Variants in GFRA3 observed in about 807,000 individuals in gnomAD.
GFRA3 encodes GDNF family receptor alpha 3, also known as GDNF family receptor alpha-3.
A neutral mutation model predicts 40.0 loss-of-function variants in GFRA3; 24 were observed. The ratio of observed to expected loss-of-function variants is 0.60; its 90% CI spans 0.43 to 0.84. The LOEUF (loss-of-function observed/expected upper bound fraction) is 0.84, where lower values mean the gene tolerates loss of function less well. GFRA3 is among the 40% of genes least tolerant of loss of function. The pLI, the probability that GFRA3 is intolerant of heterozygous loss-of-function variation, is 0.00. For synonymous variants in GFRA3, 203 were observed against 213.5 expected (o/e 0.95, Z 0.43); for missense variants, 405 against 530.6 (o/e 0.76, Z 2.33).
In GFRA3 at chr5:138,257,790, C is replaced by G; in HGVS notation, c.634G>C (p.Ala212Pro). ...CATGGGCACAGTAGCAGGCCCTGCGCGTGGGGCTCGGCGGCCTTCTCGAAG... is the reference window on the plus strand; with the variant it reads ...CATGGGCACAGTAGCAGGCCCTGCGGGTGGGGCTCGGCGGCCTTCTCGAAG... ...TFFEKAAEPHAQGLLLCPCAP... is the reference protein window; with the variant it reads ...TFFEKAAEPHPQGLLLCPCAP... Residue 212 changes from alanine to proline, a missense_variant, in exon 4 of 8, where the codon GCG (alanine) becomes CCG (proline). Transcript: ENST00000274721. 6.2e-7 allele frequency: 1 copy of G among 1,612,808 alleles called. No homozygotes were observed. Among genetic ancestry groups the G allele is most frequent in the South Asian group, 1.1e-5 (1 of 91,000 alleles).
At chr5:138,257,598 G>A (rs1442597636) in intron 4 of GFRA3, 41 bp downstream of exon 4, 1 of 1,543,088 alleles carries the variant, frequency 6.5e-7, no homozygotes, top group Non-Finnish European at 8.8e-7. Context: ...GGAGTGGCGT[G>A]TGCCTCATCC....
chr5:138,253,621 C>T (rs1755583107), intron 6 of GFRA3, 145 bp downstream of exon 6: 3 of 780,528 alleles, frequency 3.8e-6, no homozygotes, highest in Admixed American at 5.0e-5. Context: ...AAGGCCTGGG[C>T]TATGGCAATG....
intron 1 of GFRA3, among the ~76,000 whole-genome samples, chr5:138,270,538 C>T (rs1419295524): frequency 6.7e-6 from 1 of 149,832 alleles, no homozygotes; most frequent in African/African-American, 2.5e-5. Flanking sequence ...AAGAATGATA[C>T]AATGGACTTG....
chr5:138,265,665 C>T (rs556455800), intron 1 of GFRA3, among the ~76,000 whole-genome samples: 2 of 151,966 alleles, frequency 1.3e-5, no homozygotes, highest in South Asian at 4.2e-4. Flanking sequence ...CCTCTTCTTT[C>T]TTCCTTCTCC....
At chr5:138,254,350 G>A (rs1365619521) in intron 4 of GFRA3, among the ~76,000 whole-genome samples, 190 bp from the exon 5 acceptor site, 1 of 152,038 alleles carries the variant, frequency 6.6e-6, no homozygotes, top group Non-Finnish European at 1.5e-5. Context: ...ACCACACCTG[G>A]CTAATTCTGT....
intron 4 of GFRA3, among the ~76,000 whole-genome samples, chr5:138,254,887 G>A (rs1245336425): frequency 1.3e-5 from 2 of 151,662 alleles, no homozygotes; most frequent in African/African-American, 4.8e-5. Flanking sequence ...TGAGCTCAGG[G>A]GTTGGAGACT....
Position 138,253,779 on chromosome 5 carries a change from G to C in GFRA3, c.1011C>G (p.His337Gln). The change falls in exon 6 of 8, where the codon CAC becomes CAG. Residue 337 changes from histidine to glutamine, a missense_variant. His to Gln is a conservative substitution (Grantham distance 24). Transcript: ENST00000274721. ...CAGCACACTCACTGAGGCAGGGGTT[G>C]TGGGAGAAGAACCCTTCCAGCATTT... ...ECEMLEGFFS[H>Q]NPCLTEAIAA... 2 of 1,613,954 alleles carry C rather than the reference G, an allele frequency of 1.2e-6. No individual in the cohort carries two copies. Among genetic ancestry groups the C allele is most frequent in the Non-Finnish European group, 1.7e-6 (2 of 1,179,898 alleles).
chr5:138,267,320 T>C (rs947778401), intron 1 of GFRA3: 1 of 151,698 alleles, frequency 6.6e-6, no homozygotes, highest in African/African-American at 2.4e-5. Flanking sequence ...GCCACCCAAG[T>C]AGCTGGGATT....
At chr5:138,271,136 G>A (rs1300005906) in intron 1 of GFRA3, among the ~76,000 whole-genome samples, 1 of 152,048 alleles carries the variant, frequency 6.6e-6, no homozygotes, top group Non-Finnish European at 1.5e-5. Context: ...GGGATTACAG[G>A]TATGCCCCAC....
At chr5:138,262,652 C>G (rs546438146) in intron 2 of GFRA3, among the ~76,000 whole-genome samples, 1 of 152,190 alleles carries the variant, frequency 6.6e-6, no homozygotes, top group East Asian at 1.9e-4. Flanking sequence ...TGGGAGCTCG[C>G]TATGTTGTCC....
rs1239912546 is a variant in GFRA3, at chr5:138,257,831, C to A, written c.593G>T (p.Arg198Met). Residue 198 changes from arginine (R) to methionine (M), a missense_variant, in exon 4 of 8, where the codon AGG (arginine) becomes ATG (methionine). By Grantham distance (91) the Arg-to-Met change is moderately conservative. Transcript: ENST00000274721. ...GPHCQRHVCL[R>M]QLLTFFEKAA... ...CTTCTCGAAGAAAGTGAGCAGCTGC[C>A]TGAGGCAGACGTGGCGCTGGCAGTG... 6.2e-7 allele frequency: 1 copy of A among 1,613,726 alleles called. No individual in the cohort carries two copies.
chr5:138,258,052 G>T, intron 3 of GFRA3, 101 bp from the exon 4 acceptor site: 1 of 899,098 alleles, frequency 1.1e-6, no homozygotes, highest in Non-Finnish European at 1.8e-6. Context: ...CAAGAAGGTA[G>T]TGGATATAGG....
chr5:138,263,804 C>T (rs1240107818), intron 2 of GFRA3, among the ~76,000 whole-genome samples: 1 of 152,160 alleles, frequency 6.6e-6, no homozygotes, highest in African/African-American at 2.4e-5. Flanking sequence ...CAAGCAGCTC[C>T]TCTTTGGCTC....
chr5:138,253,254 A>T, intron 7 of GFRA3, 33 bp downstream of exon 7: 1 of 1,404,758 alleles, frequency 7.1e-7, no homozygotes, highest in Non-Finnish European at 9.9e-7. Context: ...CGGCCCAGTA[A>T]AGGTCTGAGG....
intron 3 of GFRA3, among the ~76,000 whole-genome samples, 153 bp downstream of exon 3, chr5:138,259,404 C>G (rs542915678): frequency 6.6e-6 from 1 of 152,310 alleles, no homozygotes; most frequent in Admixed American, 6.5e-5. Flanking sequence ...TGCCCCAGAG[C>G]TCACACTTCC....
chr5:138,268,409 CAAAAA>C (rs59137747), intron 1 of GFRA3, among the ~76,000 whole-genome samples: 1 of 116,124 alleles, frequency 8.6e-6, no homozygotes, highest in Non-Finnish European at 1.8e-5. Flanking sequence ...AAAGCAAATG[CAAAAA>C]AAAAAAAAAA....
At chr5:138,258,089 A>C (rs1755659067) in intron 3 of GFRA3, 138 bp from the exon 4 acceptor site, 2 of 695,338 alleles carry the variant, frequency 2.9e-6, no homozygotes, top group South Asian at 3.1e-5. Flanking sequence ...TCATGAATAA[A>C]CCCACTCCTA....
At chr5:138,254,933 G>A (rs1053920701) in intron 4 of GFRA3, among the ~76,000 whole-genome samples, 5 of 146,826 alleles carry the variant, frequency 3.4e-5, no homozygotes, top group Admixed American at 6.9e-5. Flanking sequence ...GTCTCAGAAC[G>A]AAAGAAAGAA....
At chr5:138,265,198 TAGG>T (rs1755765668) in intron 1 of GFRA3, among the ~76,000 whole-genome samples, 1 of 144,612 alleles carries the variant, frequency 6.9e-6, no homozygotes, top group Non-Finnish European at 1.5e-5. Context: ...GATAAAAATC[TAGG>T]AGAACTTTTT....
Sources: allele counts gnomAD v4.1 joint callset (sites outside exome capture counted in the v4.1 genomes callset), GRCh38; gene constraint gnomAD v4.1.1; transcripts MANE v1.5; gene names NCBI Gene and HGNC (gene_info 2026-07-23, HGNC 2026-07-21).